The following PCDH15 variants were observed in gnomAD, a reference collection of about 807,000 sequenced individuals.
PCDH15 encodes the protein protocadherin related 15.
PCDH15 carries 129 observed loss-of-function variants against 178.5 expected under a neutral mutation model. The ratio of observed to expected loss-of-function variants is 0.72; its 90% CI spans 0.63 to 0.84. The LOEUF (loss-of-function observed/expected upper bound fraction) is 0.84, where lower values mean the gene tolerates loss of function less well. Ranked by LOEUF, PCDH15 falls within the 40% of genes least tolerant of loss-of-function variation. PCDH15 has a pLI of 0.00. For missense variants in PCDH15, 2,230 were observed against 2,099.9 expected (o/e 1.06, Z -1.21); for synonymous variants, 800 against 732.0 (o/e 1.09, Z -1.50).
intron 3 of PCDH15, among the ~76,000 whole-genome samples, chr10:54,868,472 C>T (rs1359421575): frequency 1.3e-5 from 2 of 152,154 alleles, no homozygotes; most frequent in Non-Finnish European, 2.9e-5. Context: ...GCTATCCTCT[C>T]CTACAGATGG....
chr10:54,369,282 T>C lies in PCDH15; in HGVS notation c.319-7A>G. 1.2e-6 allele frequency: 2 copies of C among 1,611,934 alleles called. No individual in the cohort carries two copies. On this transcript the variant is annotated splice_polypyrimidine_tract_variant and splice_region_variant and intron_variant, in intron 4 of 37. Coordinates refer to ENST00000644397, the MANE Select transcript of PCDH15 (RefSeq NM_001384140.1). ...AGTGTATGTTCATCGGTGGCTGCAA[T>C]GTAGAAATTGCATCTTTTAAAATAC...
At chr10:55,451,859 C>T (rs542971746) in intron 2 of PCDH15, among the ~76,000 whole-genome samples, 2 of 152,306 alleles carry the variant, frequency 1.3e-5, no homozygotes, top group South Asian at 2.1e-4. Flanking sequence ...TTTCTAAACA[C>T]TTGAAATTAC....
At chr10:53,993,601 T>C (rs1204772174) in intron 21 of PCDH15, among the ~76,000 whole-genome samples, 1 of 152,196 alleles carries the variant, frequency 6.6e-6, no homozygotes, top group Non-Finnish European at 1.5e-5. Flanking sequence ...ATCTGAATAA[T>C]AATTATTCTG....
At chr10:54,606,236 C>T (rs1157592823) in intron 2 of PCDH15, 1 of 152,002 alleles carries the variant, frequency 6.6e-6, no homozygotes, top group Non-Finnish European at 1.5e-5. Context: ...GGGAAGAACC[C>T]ATTTGTTTGG....
chr10:54,814,441 T>C (rs995573401), intron 3 of PCDH15, among the ~76,000 whole-genome samples: 3 of 152,200 alleles, frequency 2.0e-5, no homozygotes, highest in African/African-American at 7.2e-5. Context: ...AATATTTGTG[T>C]ATGATTTCTA....
intron 21 of PCDH15, among the ~76,000 whole-genome samples, chr10:53,981,095 C>T (rs1020051164): frequency 4.6e-5 from 7 of 151,994 alleles, no homozygotes; most frequent in African/African-American, 7.3e-5. Flanking sequence ...ATTGGTGATG[C>T]TCACATTAGA....
chr10:54,397,844 CT>C (rs1951441977), intron 3 of PCDH15, among the ~76,000 whole-genome samples: 1 of 151,632 alleles, frequency 6.6e-6, no homozygotes, highest in African/African-American at 2.4e-5. Context: ...GATTCTAGAC[CT>C]TTTAAAATTA....
chr10:55,177,517 C>A (rs1839526973), intron 1 of PCDH15, among the ~76,000 whole-genome samples: 2 of 152,158 alleles, frequency 1.3e-5, no homozygotes, highest in South Asian at 4.1e-4. Flanking sequence ...GGATGGCCGG[C>A]CTGCCTCTGG....
At chr10:54,214,475 G>A (rs944416355) in intron 9 of PCDH15, among the ~76,000 whole-genome samples, 1 of 152,112 alleles carries the variant, frequency 6.6e-6, no homozygotes, top group Non-Finnish European at 1.5e-5. Flanking sequence ...GGAAATTAAT[G>A]TGAACATATT....
At chr10:54,727,044 G>A (rs374813655) in intron 1 of PCDH15, among the ~76,000 whole-genome samples, 18,417 of 151,214 alleles carry the variant, frequency 0.12, 1,256 homozygotes, top group African/African-American at 0.17. Flanking sequence ...AGGTTGACAT[G>A]AAAACTCAGG....
chr10:54,527,573 A>G (rs1419244155), intron 3 of PCDH15, among the ~76,000 whole-genome samples: 1 of 152,104 alleles, frequency 6.6e-6, no homozygotes, highest in African/African-American at 2.4e-5. Context: ...TGAATCAAAT[A>G]ATTTCTTTTA....
intron 8 of PCDH15, among the ~76,000 whole-genome samples, chr10:54,242,296 C>G (rs2055486294): frequency 6.7e-6 from 1 of 150,154 alleles, no homozygotes; most frequent in South Asian, 2.1e-4. Flanking sequence ...TCTCAGCTTT[C>G]TGGTCATTTA....
chr10:54,189,391 G>T (rs16905686), intron 11 of PCDH15: 17 of 1,526,648 alleles, frequency 1.1e-5, no homozygotes, highest in Non-Finnish European at 1.4e-5. Flanking sequence ...GAACCTATAC[G>T]CAAATTAAAC....
intron 2 of PCDH15, among the ~76,000 whole-genome samples, chr10:54,622,620 TATATATA>T (rs1344095843): frequency 5.0e-5 from 2 of 40,276 alleles, no homozygotes; most frequent in Non-Finnish European, 9.2e-5. Context: ...TTATATATAA[TATATATA>T]ATATATATTA....
intron 2 of PCDH15, among the ~76,000 whole-genome samples, chr10:55,443,472 G>A (rs996934155): frequency 6.6e-6 from 1 of 152,116 alleles, no homozygotes; most frequent in Non-Finnish European, 1.5e-5. Flanking sequence ...AGTGGGCAAA[G>A]GTTATGAACA....
intron 2 of PCDH15, among the ~76,000 whole-genome samples, chr10:55,521,929 T>C (rs571941734): frequency 6.6e-6 from 1 of 152,044 alleles, no homozygotes; most frequent in African/African-American, 2.4e-5. Flanking sequence ...TCATGTGGCA[T>C]GTTGCTAGCT....
At chr10:54,017,020 ATTTAT>A (rs999715968) in intron 20 of PCDH15, among the ~76,000 whole-genome samples, 1 of 151,180 alleles carries the variant, frequency 6.6e-6, no homozygotes, top group African/African-American at 2.5e-5. Context: ...AAGATATAAC[ATTTAT>A]TTTATTTTAT....
chr10:54,363,596 A>G (rs1211917433), intron 5 of PCDH15, among the ~76,000 whole-genome samples: 6 of 152,152 alleles, frequency 3.9e-5, no homozygotes, highest in Non-Finnish European at 8.8e-5. Flanking sequence ...TGATATACAC[A>G]TGCTCTAATT....
At chr10:54,428,299 A>T (rs1190637638) in intron 3 of PCDH15, among the ~76,000 whole-genome samples, 3 of 152,220 alleles carry the variant, frequency 2.0e-5, no homozygotes, top group Non-Finnish European at 2.9e-5. Flanking sequence ...TCAATTTGGG[A>T]CAACTCTGAA....
Sources: allele counts gnomAD v4.1 joint callset (sites outside exome capture counted in the v4.1 genomes callset), GRCh38; gene constraint gnomAD v4.1.1; transcripts MANE v1.5; gene names NCBI Gene and HGNC (gene_info 2026-07-23, HGNC 2026-07-21).